Variants in SGCZ observed in about 807,000 individuals in gnomAD.
The protein encoded by SGCZ is zeta-sarcoglycan.
In SGCZ, 40 loss-of-function variants were observed where a neutral mutation model predicts 41.3. The ratio of observed to expected loss-of-function variants is 0.97; its 90% CI spans 0.75 to 1.26. The LOEUF (loss-of-function observed/expected upper bound fraction) is 1.26, where lower values mean the gene tolerates loss of function less well. SGCZ is among the 50% of genes most tolerant of loss of function. The pLI is 0.00. For synonymous variants in SGCZ, 206 were observed against 137.5 expected, an observed-to-expected ratio of 1.50 and a Z score of -3.49; for missense variants, 552 against 369.8, an observed-to-expected ratio of 1.49 and a Z score of -4.04.
At chr8:14,334,048 T>C (rs1802427189) in intron 2 of SGCZ, among the ~76,000 whole-genome samples, 1 of 152,084 alleles carries the variant, frequency 6.6e-6, no homozygotes, top group African/African-American at 2.4e-5. Context: ...TAATCCTGAA[T>C]ACACCTCTGT....
At chr8:14,212,552 C>G (rs1028672273) in intron 4 of SGCZ, among the ~76,000 whole-genome samples, 1 of 150,472 alleles carries the variant, frequency 6.6e-6, no homozygotes, top group Non-Finnish European at 1.5e-5. Context: ...TAGGCCATAG[C>G]CTACACATTA....
chr8:15,212,181 G>A (rs1801256028), intron 1 of SGCZ, among the ~76,000 whole-genome samples: 1 of 152,074 alleles, frequency 6.6e-6, no homozygotes, highest in African/African-American at 2.4e-5. Flanking sequence ...CTGTTCTCAA[G>A]GAGCTCCTTA....
At chr8:14,727,535 G>A (rs1192316319) in intron 1 of SGCZ, among the ~76,000 whole-genome samples, 1 of 150,680 alleles carries the variant, frequency 6.6e-6, no homozygotes, top group Non-Finnish European at 1.5e-5. Flanking sequence ...TTTTGAGGTG[G>A]AGTCTCACTC....
At chr8:15,032,069 A>C (rs989991241) in intron 1 of SGCZ, among the ~76,000 whole-genome samples, 3 of 152,102 alleles carry the variant, frequency 2.0e-5, no homozygotes, top group African/African-American at 7.2e-5. Flanking sequence ...TGCACAAACA[A>C]CTTCTCTGAT....
At chr8:14,096,969 G>A (rs1482001549) in intron 7 of SGCZ, among the ~76,000 whole-genome samples, 1 of 151,870 alleles carries the variant, frequency 6.6e-6, no homozygotes, top group East Asian at 1.9e-4. Flanking sequence ...ATTTTTTATT[G>A]CATCTATTTG....
intron 1 of SGCZ, among the ~76,000 whole-genome samples, chr8:15,006,465 C>T (rs763794761): frequency 2.5e-4 from 38 of 152,114 alleles, no homozygotes; most frequent in Non-Finnish European, 1.2e-4. Context: ...AAGAACCTTA[C>T]GAAGCCTAAT....
intron 4 of SGCZ, among the ~76,000 whole-genome samples, chr8:14,176,114 T>G (rs1451999360): frequency 6.6e-6 from 1 of 152,154 alleles, no homozygotes; most frequent in Admixed American, 6.5e-5. Flanking sequence ...GATTATAAAA[T>G]GCTTTCTCAG....
chr8:14,740,668 G>A (rs191055477), intron 1 of SGCZ, among the ~76,000 whole-genome samples: 26 of 152,122 alleles, frequency 1.7e-4, no homozygotes, highest in Non-Finnish European at 1.2e-4. Context: ...TGCTTTCTCA[G>A]TCGTCCTGGG....
rs368908951 is a variant in SGCZ at position 14,673,446 on chromosome 8, G to A, written c.40-118520C>T. Among the ~76,000 whole-genome samples the A allele has an allele frequency of 2.7e-3, 400 of 148,560 alleles. 3 individuals carry two copies. Among genetic ancestry groups the A allele is most frequent in the African/African-American group, 7.9e-3 (321 of 40,632 alleles). The stretch of plus-strand genomic sequence containing the variant: ...GCTGTCTCTCTCTCGCGCTCGCGCT[G>A]TCTCTCTCTCTCTCTCTCACTCTCT... On this transcript the variant is annotated intron_variant, in intron 1 of 7. Coordinates refer to ENST00000382080, the MANE Select transcript of SGCZ (RefSeq NM_139167.4).
chr8:14,505,877 CTG>C (rs759499471), intron 2 of SGCZ, among the ~76,000 whole-genome samples: 14 of 152,156 alleles, frequency 9.2e-5, no homozygotes, highest in Non-Finnish European at 1.9e-4. Flanking sequence ...ACTCGGCAAT[CTG>C]TGTTTTAGCA....
At chr8:14,860,343 A>G (rs975334531) in intron 1 of SGCZ, among the ~76,000 whole-genome samples, 1 of 151,986 alleles carries the variant, frequency 6.6e-6, no homozygotes, top group African/African-American at 2.4e-5. Context: ...CATCACCACC[A>G]TCTAGTGTCT....
chr8:15,157,002 C>T (rs73205484), intron 1 of SGCZ, among the ~76,000 whole-genome samples: 1 of 151,450 alleles, frequency 6.6e-6, no homozygotes, highest in Non-Finnish European at 1.5e-5. Flanking sequence ...AAGCACTTCT[C>T]AAATATTCTC....
At chr8:15,185,005 C>G (rs907230571) in intron 1 of SGCZ, among the ~76,000 whole-genome samples, 1 of 152,168 alleles carries the variant, frequency 6.6e-6, no homozygotes, top group Non-Finnish European at 1.5e-5. Flanking sequence ...TCAAGGCTCT[C>G]TTCATCTCCC....
At chr8:14,840,761 A>G (rs1489587497) in intron 1 of SGCZ, among the ~76,000 whole-genome samples, 1 of 152,132 alleles carries the variant, frequency 6.6e-6, no homozygotes, top group African/African-American at 2.4e-5. Context: ...CCTAAAAAAG[A>G]AGGCATTTGA....
chr8:14,986,218 G>A (rs774731330), intron 1 of SGCZ, among the ~76,000 whole-genome samples: 12 of 152,034 alleles, frequency 7.9e-5, no homozygotes, highest in Non-Finnish European at 8.8e-5. Context: ...CTAAATATAT[G>A]AACAATATAT....
intron 2 of SGCZ, among the ~76,000 whole-genome samples, chr8:14,522,192 T>C (rs936219359): frequency 3.9e-5 from 6 of 152,034 alleles, no homozygotes; most frequent in Non-Finnish European, 8.8e-5. Context: ...AATTTTGTGG[T>C]CTATATTCTA....
intron 1 of SGCZ, among the ~76,000 whole-genome samples, chr8:14,769,027 A>G (rs993713146): frequency 7.4e-5 from 11 of 148,858 alleles, no homozygotes; most frequent in Non-Finnish European, 1.4e-4. Flanking sequence ...ACTCTCTGAT[A>G]CACACACACA....
chr8:14,957,736 T>A (rs1350961954), intron 1 of SGCZ, among the ~76,000 whole-genome samples: 1 of 152,206 alleles, frequency 6.6e-6, no homozygotes, highest in South Asian at 2.1e-4. Context: ...CAATGTTACG[T>A]ATTGTGAATA....
At chr8:15,055,397 C>T (rs912971326) in intron 1 of SGCZ, among the ~76,000 whole-genome samples, 1 of 152,144 alleles carries the variant, frequency 6.6e-6, no homozygotes, top group African/African-American at 2.4e-5. Context: ...CTTGTCCAAA[C>T]ATGACTGTGG....
Sources: gnomAD v4.1 joint callset for allele counts (sites outside exome capture counted in the v4.1 genomes callset) on GRCh38, gnomAD v4.1.1 for gene constraint, MANE v1.5 for transcripts, NCBI Gene and HGNC (gene_info 2026-07-23, HGNC 2026-07-21) for gene names.